Variants in IFI44L observed in about 807,000 individuals in gnomAD.
The protein encoded by IFI44L is interferon induced protein 44 like.
A neutral mutation model predicts 39.3 loss-of-function variants in IFI44L; 40 were observed. The ratio of observed to expected loss-of-function variants is 1.02; its 90% CI spans 0.79 to 1.33. IFI44L has a LOEUF of 1.33. Ranked by LOEUF, IFI44L falls within the 40% of genes most tolerant of loss-of-function variation. The pLI is 0.00. For synonymous variants in IFI44L, 198 were observed against 182.3 expected (o/e 1.09, Z -0.69); for missense variants, 623 against 549.0 (o/e 1.13, Z -1.35).
chr1:78,635,316 C>T, intron 4 of IFI44L, 21 bp from the exon 5 acceptor site: 1 of 1,533,886 alleles, frequency 6.5e-7, no homozygotes, highest in Non-Finnish European at 9.0e-7. Flanking sequence ...AACCTTTACA[C>T]TTAATGTATT....
chr1:78,629,093 C>A, intron 3 of IFI44L, 94 bp downstream of exon 3: 1 of 801,694 alleles, frequency 1.2e-6, no homozygotes, highest in East Asian at 2.5e-5. Flanking sequence ...AAAAATCATG[C>A]CACTGGAATG....
At position 78,644,046 on chromosome 1, in the gene IFI44L, A is replaced by G. The variant is rs1355899808; in HGVS notation, c.*2237A>G. Reference sequence around the variant, plus strand: ...ATACAAATGTAGAAGCAACAGGTCCAAAAAGTAGGGCATGATTTTCTCCAT... The same window carrying G: ...ATACAAATGTAGAAGCAACAGGTCCGAAAAGTAGGGCATGATTTTCTCCAT... On this transcript the variant is annotated 3_prime_UTR_variant, in exon 9 of 9. Transcript: ENST00000370751. The G allele has an allele frequency of 6.6e-6, 1 of 152,178 alleles. No individual in the cohort carries two copies. The highest frequency in any genetic ancestry group is 2.4e-5 in the African/African-American group (1 of 41,456). 9.4% of individuals were successfully genotyped at this position (152,178 alleles called of 1,614,324 possible). A position where few individuals can be genotyped will look rare whatever the true frequency, so the allele number is the denominator to read the frequency against.
At position 78,628,303 on chromosome 1, in the gene IFI44L, A is replaced by G; in HGVS notation, c.388A>G (p.Ile130Val). Residue 130 changes from isoleucine to valine, a missense_variant, in exon 2 of 9, where the codon ATT becomes GTT. Ile to Val is a conservative substitution (Grantham distance 29). Transcript: ENST00000370751. ...TTTCATTATATGTCGAGATAATAAAATTTATCTAGATAAAATGATAACAAG... is the reference window on the plus strand; with the variant it reads ...TTTCATTATATGTCGAGATAATAAAGTTTATCTAGATAAAATGATAACAAG... ...DIFIICRDNK[I>V]YLDKMITRNL... 1 of 1,602,908 alleles carries G rather than the reference A, an allele frequency of 6.2e-7. No individual in the cohort carries two copies. Among genetic ancestry groups the G allele is most frequent in the Non-Finnish European group, 8.5e-7 (1 of 1,172,008 alleles).
Position 78,641,862 on chromosome 1 carries a change from A to G in IFI44L, c.*53A>G, listed in dbSNP as rs943676178. ...GCCCAGCCTGTACTGGTGTGCCGCA[A>G]TGAGAGTCAATCTCTATTGACAGCC... is the stretch of plus-strand genomic sequence containing the variant. On this transcript the variant is annotated 3_prime_UTR_variant, in exon 9 of 9. Coordinates refer to ENST00000370751, the MANE Select transcript of IFI44L (RefSeq NM_006820.4). 71 of 1,561,770 alleles carry G rather than the reference A, an allele frequency of 4.5e-5. No individual in the cohort carries two copies. The highest frequency in any genetic ancestry group is 2.2e-4 in the Admixed American group (13 of 59,900).
intron 5 of IFI44L, chr1:78,635,754 A>T: frequency 2.3e-6 from 1 of 441,808 alleles, no homozygotes; most frequent in Non-Finnish European, 4.0e-6. Flanking sequence ...TGTTTTTATC[A>T]CTCTTTACAA....
In IFI44L at chr1:78,644,736, T is replaced by C. The variant is rs1316045081; in HGVS notation, c.*2927T>C. On this transcript the variant is annotated 3_prime_UTR_variant, in exon 9 of 9. Coordinates refer to ENST00000370751, the MANE Select transcript of IFI44L (RefSeq NM_006820.4). ...AGACACTAAATTCTTCTTAGAAAAA[T>C]AGTGCTAAGGAGTATAGCAGATGAC... The C allele has an allele frequency of 6.6e-6, 1 of 152,106 alleles. No homozygotes were observed. Among genetic ancestry groups the C allele is most frequent in the Non-Finnish European group, 1.5e-5 (1 of 68,016 alleles). 9.4% of individuals were successfully genotyped at this position (152,106 alleles called of 1,614,324 possible). A position where few individuals can be genotyped will look rare whatever the true frequency, so the allele number is the denominator to read the frequency against.
intron 6 of IFI44L, among the ~76,000 whole-genome samples, chr1:78,637,872 TC>T (rs1455136919): frequency 6.6e-6 from 1 of 152,120 alleles, no homozygotes; most frequent in African/African-American, 2.4e-5. Flanking sequence ...CAAAAAATAT[TC>T]CAGTTTTTAG....
intron 5 of IFI44L, chr1:78,636,087 T>A (rs931941255): frequency 6.6e-6 from 1 of 152,182 alleles, no homozygotes; most frequent in African/African-American, 2.4e-5. Flanking sequence ...ACAATGATTG[T>A]TACCTTTCTT....
chr1:78,629,250 T>C (rs573167357), intron 3 of IFI44L, among the ~76,000 whole-genome samples: 1 of 152,294 alleles, frequency 6.6e-6, no homozygotes, highest in East Asian at 1.9e-4. Flanking sequence ...TGGATAACCA[T>C]TTTAGGTAAT....
At position 78,628,390 on chromosome 1, in the gene IFI44L, G is replaced by C. The variant is rs368426493; in HGVS notation, c.475G>C (p.Glu159Gln). ...TTTGGAATGTGAAGTTTTTCGAGTT[G>C]AAGGTTTGTAAAATTAGATAATCCT... ...QYLECEVFRV[E>Q]GIKDNLDDIK... Residue 159 changes from glutamate to glutamine, a missense_variant, in exon 2 of 9, where the codon GAA becomes CAA. Transcript: ENST00000370751. 113 of 1,523,560 alleles carry C rather than the reference G, an allele frequency of 7.4e-5. No individual in the cohort carries two copies. The highest frequency in any genetic ancestry group is 1.2e-4 in the Admixed American group (6 of 49,696). The allele number at this position is 1,523,560 out of a possible 1,614,324, so 94.4% of individuals were successfully genotyped here.
chr1:78,641,117 G>A lies in IFI44L; in HGVS notation c.1145G>A (p.Ser382Asn), dbSNP rs1646978123. ...LNMSRSMTSQ[S>N]RVMNVHKMLG... is the part of the protein sequence containing the mutation. The stretch of plus-strand genomic sequence containing the variant: ...ATGAGTAGATCTATGACTTCTCAAA[G>A]CCGGGTAAAAAATGCTGATCATAAC... Residue 382 changes from serine to asparagine, a missense_variant, in exon 7 of 9, where the codon AGC becomes AAC. Ser to Asn is a conservative substitution (Grantham distance 46). Coordinates refer to ENST00000370751, the MANE Select transcript of IFI44L (RefSeq NM_006820.4). The A allele has an allele frequency of 3.7e-6, 6 of 1,604,272 alleles. No homozygotes were observed. The highest frequency in any genetic ancestry group is 5.1e-6 in the Non-Finnish European group (6 of 1,171,496).
Position 78,628,161 on chromosome 1 carries a change from C to T in IFI44L, c.246C>T (p.Ser82=), listed in dbSNP as rs1652571423. The change falls in exon 2 of 9, where the codon TCC becomes TCT. Residue 82 remains serine (S), a synonymous_variant. Transcript: ENST00000370751. ...LHESSTEPND[S]LWFSLQKKND... is the part of the protein sequence containing the mutation. ...AAAGTTCTACAGAGCCAAATGATTC[C>T]CTATGGTTTTCACTTCAAAAGAAAA... The T allele has an allele frequency of 1.9e-6, 3 of 1,612,178 alleles. No homozygotes were observed. Among genetic ancestry groups the T allele is most frequent in the Non-Finnish European group, 2.5e-6 (3 of 1,178,944 alleles).
intron 4 of IFI44L, among the ~76,000 whole-genome samples, chr1:78,631,798 T>C (rs914169787): frequency 2.0e-5 from 3 of 152,118 alleles, no homozygotes; most frequent in Non-Finnish European, 4.4e-5. Context: ...AAGTTTTTTT[T>C]GTCTTTTCTA....
chr1:78,627,607 C>A (rs1652540989), intron 1 of IFI44L: 1 of 182,254 alleles, frequency 5.5e-6, no homozygotes, highest in East Asian at 1.4e-4. Flanking sequence ...TATTTACTAT[C>A]TTGTTCATTA....
chr1:78,634,519 T>G (rs1174717672), intron 4 of IFI44L, among the ~76,000 whole-genome samples: 1 of 152,084 alleles, frequency 6.6e-6, no homozygotes, highest in African/African-American at 2.4e-5. Context: ...GGGATAAAGA[T>G]TTTCCTGGAT....
At chr1:78,628,776 G>A in intron 2 of IFI44L, 175 bp from the exon 3 acceptor site, 1 of 589,242 alleles carries the variant, frequency 1.7e-6, no homozygotes, top group Non-Finnish European at 3.1e-6. Flanking sequence ...AAGTTAATGT[G>A]CAGAGAGGAT....
chr1:78,639,870 A>G lies in IFI44L; in HGVS notation c.1049-1151A>G, dbSNP rs145706601. On this transcript the variant is annotated intron_variant, in intron 6 of 8. Coordinates refer to ENST00000370751, the MANE Select transcript of IFI44L (RefSeq NM_006820.4). Reference sequence around the variant, plus strand: ...CGAAAAGTGCTATGCCGTTTAATGTATAGAGCATGGTCTTGCTTAAGTGAA... The same window carrying G: ...CGAAAAGTGCTATGCCGTTTAATGTGTAGAGCATGGTCTTGCTTAAGTGAA... Among the ~76,000 whole-genome samples, 11 of 152,254 alleles carry G rather than the reference A, an allele frequency of 7.2e-5. No individual in the cohort carries two copies. In the East Asian group the frequency reaches 2.1e-3, roughly 29 times the overall value.
Position 78,628,034 on chromosome 1 carries a change from T to G in IFI44L, c.119T>G (p.Met40Arg). 1 of 1,613,246 alleles carries G rather than the reference T, an allele frequency of 6.2e-7. No homozygotes were observed. Among genetic ancestry groups the G allele is most frequent in the Non-Finnish European group, 8.5e-7 (1 of 1,179,448 alleles). Residue 40 changes from methionine (M) to arginine (R), a missense_variant, in exon 2 of 9, where the codon ATG becomes AGG. Coordinates refer to ENST00000370751, the MANE Select transcript of IFI44L (RefSeq NM_006820.4). ...SSVHGGSIEDMVERCSRQGCT... is the reference protein window; with the variant it reads ...SSVHGGSIEDRVERCSRQGCT... ...GTTCATGGAGGTAGCATTGAAGATA[T>G]GGTTGAAAGATGCAGCCGTCAGGGA...
In IFI44L at chr1:78,629,746, T is replaced by C; in HGVS notation, c.554T>C (p.Ile185Thr). The C allele has an allele frequency of 6.2e-7, 1 of 1,613,238 alleles. No homozygotes were observed. The highest frequency in any genetic ancestry group is 1.1e-5 in the South Asian group (1 of 91,006). Residue 185 changes from isoleucine (I) to threonine (T), a missense_variant, in exon 4 of 9, where the codon ATC becomes ACC. Coordinates refer to ENST00000370751, the MANE Select transcript of IFI44L (RefSeq NM_006820.4). ...CACAGAAATAGGCTTCTAGCAGACA[T>C]CAGAGACTATAGGCCCTATGCAGAC... ...REHRNRLLAD[I>T]RDYRPYADLV... is the part of the protein sequence containing the mutation.
Sources: gnomAD v4.1 joint callset for allele counts (sites outside exome capture counted in the v4.1 genomes callset) on GRCh38, gnomAD v4.1.1 for gene constraint, MANE v1.5 for transcripts, NCBI Gene and HGNC (gene_info 2026-07-23, HGNC 2026-07-21) for gene names.